The following EVI5L variants were observed in gnomAD, a reference collection of about 807,000 sequenced individuals.
The protein encoded by EVI5L is ecotropic viral integration site 5 like, also known as EVI5-like protein.
Under a neutral mutation model 106.1 loss-of-function variants are expected in EVI5L, and 30 were observed. The observed-to-expected ratio is 0.28, with a 90% CI of 0.21 to 0.38. The LOEUF (loss-of-function observed/expected upper bound fraction) is 0.38. Among genes scored for constraint, EVI5L ranks in the 10% least tolerant of loss-of-function variants. The probability of loss-of-function intolerance (pLI) is 1.00; values close to 1 mark genes in which losing one functional copy is unlikely to be tolerated. For synonymous variants in EVI5L, 489 were observed against 483.3 expected, an observed-to-expected ratio of 1.01 and a Z score of -0.15; for missense variants, 809 against 1,098.0, an observed-to-expected ratio of 0.74 and a Z score of 3.72.
At chr19:7,851,865 G>A (rs556977558) in intron 8 of EVI5L, 95 bp downstream of exon 8, 6 of 1,171,068 alleles carry the variant, frequency 5.1e-6, no homozygotes, top group Admixed American at 3.4e-5. Flanking sequence ...GCCCGGCTTC[G>A]AGGGTGGAAG....
At chr19:7,840,494 C>A (rs1978554274) in intron 1 of EVI5L, among the ~76,000 whole-genome samples, 1 of 152,164 alleles carries the variant, frequency 6.6e-6, no homozygotes, top group African/African-American at 2.4e-5. Flanking sequence ...AAAAGAATCA[C>A]CCCAATTAAA....
In EVI5L at chr19:7,862,832, C is replaced by G. The variant is rs531861800; in HGVS notation, c.1948-140C>G. 5.1e-4 allele frequency: 272 copies of G among 535,502 alleles called. 1 individual carries two copies. In the African/African-American group the frequency reaches 5.5e-3, roughly 11 times the overall value. 33.2% of individuals were successfully genotyped at this position (535,502 alleles called of 1,614,324 possible). On this transcript the variant is annotated intron_variant, in intron 17 of 19. Coordinates refer to ENST00000538904, the MANE Select transcript of EVI5L (RefSeq NM_001159944.3). ...CCCGCACCTCCCTTGCCCGCGGTCC[C>G]GCCCCTGCCCGCGGTCCTGCCTCCT...
At position 7,860,560 on chromosome 19, in the gene EVI5L, G is replaced by A; in HGVS notation, c.1375-1G>A. The A allele has an allele frequency of 6.3e-7, 1 of 1,586,350 alleles. No homozygotes were observed. Among genetic ancestry groups the A allele is most frequent in the Non-Finnish European group, 8.6e-7 (1 of 1,168,040 alleles). ...CCCACGCAGCTCTCTGCCTCCCCCA[G>A]GAGAACCCCCGCCTCACAGAAGACT... On this transcript the variant is annotated splice_acceptor_variant, in intron 13 of 19. Transcript: ENST00000538904. LOFTEE classifies it high-confidence loss of function.
chr19:7,837,508 T>C (rs1187078921), intron 1 of EVI5L, among the ~76,000 whole-genome samples: 1 of 152,094 alleles, frequency 6.6e-6, no homozygotes, highest in Non-Finnish European at 1.5e-5. Flanking sequence ...AGTATTGATA[T>C]ATTATTATTA....
At chr19:7,843,357 AGT>A (rs1300063335) in intron 1 of EVI5L, among the ~76,000 whole-genome samples, 50 of 92,816 alleles carry the variant, frequency 5.4e-4, no homozygotes, top group African/African-American at 2.0e-3. Flanking sequence ...TAGGTGTGTG[AGT>A]GTGAGAATAG....
Position 7,860,584 on chromosome 19 carries a change from C to T in EVI5L, c.1398C>T (p.Asp466=), listed in dbSNP as rs1351210290. The change falls in exon 14 of 20, where the codon GAC becomes GAT. Residue 466 remains aspartate, a synonymous_variant. Coordinates refer to ENST00000538904, the MANE Select transcript of EVI5L (RefSeq NM_001159944.3). ...AGGAGAACCCCCGCCTCACAGAAGACTTCGTGTCCCACCTGGAGACCGAGC... is the reference window on the plus strand; with the variant it reads ...AGGAGAACCCCCGCCTCACAGAAGATTTCGTGTCCCACCTGGAGACCGAGC... The part of the protein sequence containing the change: ...EQQENPRLTE[D]FVSHLETELE... The T allele has an allele frequency of 1.9e-6, 3 of 1,598,176 alleles. No individual in the cohort carries two copies. The South Asian group carries it at 3.4e-5, about 18-fold the overall frequency.
At chr19:7,839,433 G>A (rs1203111706) in intron 1 of EVI5L, among the ~76,000 whole-genome samples, 1 of 152,082 alleles carries the variant, frequency 6.6e-6, no homozygotes, top group East Asian at 1.9e-4. Context: ...AAGCAGGGAT[G>A]CAGAAAGAGG....
chr19:7,831,538 C>T (rs1978293444), intron 1 of EVI5L, among the ~76,000 whole-genome samples: 1 of 152,150 alleles, frequency 6.6e-6, no homozygotes, highest in Non-Finnish European at 1.5e-5. Flanking sequence ...TGACAGGGCC[C>T]CAGAATCCCC....
Position 7,857,632 on chromosome 19 carries a change from C to T in EVI5L, c.1233+508C>T, listed in dbSNP as rs1979594565. 1 of 182,754 alleles carries T rather than the reference C, an allele frequency of 5.5e-6. No individual in the cohort carries two copies. The highest frequency in any genetic ancestry group is 1.2e-4 in the South Asian group (1 of 8,424). 11.3% of individuals were successfully genotyped at this position (182,754 alleles called of 1,614,324 possible). On this transcript the variant is annotated intron_variant, in intron 12 of 19. Coordinates refer to ENST00000538904, the MANE Select transcript of EVI5L (RefSeq NM_001159944.3). This position sits in a 1 kb window ranked among gnomAD's most constrained non-coding sequence, Gnocchi z 4.5. ...GAATGGCTTTATCTGGAAGCTGCCA[C>T]CCGCCACCTGGTGGCTTTGAGCCTG...
At chr19:7,854,269 G>A (rs1374255128) in intron 10 of EVI5L, among the ~76,000 whole-genome samples, 2 of 140,766 alleles carry the variant, frequency 1.4e-5, no homozygotes, top group African/African-American at 5.3e-5. Context: ...GCGACAGAGT[G>A]AGACTGTGTC....
intron 1 of EVI5L, among the ~76,000 whole-genome samples, chr19:7,846,237 C>A (rs1858738847): frequency 6.6e-6 from 1 of 152,206 alleles, no homozygotes; most frequent in Admixed American, 6.5e-5. Flanking sequence ...AGCAGGACGG[C>A]TCACATCCTG....
chr19:7,863,193 A>G lies in EVI5L; in HGVS notation c.2052A>G (p.Glu684=), dbSNP rs1201481777. ...RIAELEIQRE[E]GRIQGQLNHS... ...CCTGGCGCACCCCGCAGAGGGAGGA[A>G]GGCCGCATCCAGGGCCAGCTGAACC... The change falls in exon 19 of 20, where the codon GAA becomes GAG. Residue 684 remains glutamate (E), a synonymous_variant. Coordinates refer to ENST00000538904, the MANE Select transcript of EVI5L (RefSeq NM_001159944.3). The surrounding 1 kb of genome is among the most constrained non-coding windows in gnomAD (Gnocchi z 7.7). 6.4e-7 allele frequency: 1 copy of G among 1,556,956 alleles called. No individual in the cohort carries two copies. Among genetic ancestry groups the G allele is most frequent in the South Asian group, 1.2e-5 (1 of 84,458 alleles).
rs947238504 is a variant in EVI5L at position 7,864,296 on chromosome 19, C to T, written c.*594C>T. On this transcript the variant is annotated 3_prime_UTR_variant, in exon 20 of 20. Transcript: ENST00000538904. The surrounding 1 kb of genome is among the most constrained non-coding windows in gnomAD (Gnocchi z 4.5). ...GGCGCAGGCACCGTGGCCCCTGCAG[C>T]GGAAACCAAAGTCCCCCTACTATGT... 2 of 152,652 alleles carry T rather than the reference C, an allele frequency of 1.3e-5. No homozygotes were observed. Among genetic ancestry groups the T allele is most frequent in the Admixed American group, 6.5e-5 (1 of 15,302 alleles). 9.5% of individuals were successfully genotyped at this position (152,652 alleles called of 1,614,324 possible).
chr19:7,848,565 T>A lies in EVI5L; in HGVS notation c.328-356T>A, dbSNP rs970883183. 1.3e-5 allele frequency among the ~76,000 whole-genome samples: 2 copies of A among 151,154 alleles called. No individual in the cohort carries two copies. Among genetic ancestry groups the A allele is most frequent in the African/African-American group, 4.9e-5 (2 of 41,014 alleles). ...GTGAGCCAAGATCACGCCACTGCAC[T>A]CCGGCGTGGGCAACAGAGTGAGACT... On this transcript the variant is annotated intron_variant, in intron 3 of 19. Coordinates refer to ENST00000538904, the MANE Select transcript of EVI5L (RefSeq NM_001159944.3). This position sits in a 1 kb window ranked among gnomAD's most constrained non-coding sequence, Gnocchi z 4.8.
intron 1 of EVI5L, among the ~76,000 whole-genome samples, chr19:7,833,766 C>T (rs1369901216): frequency 6.6e-6 from 1 of 152,180 alleles, no homozygotes. Context: ...TGGGGGGCTC[C>T]CCAGCAAAGG....
At chr19:7,844,345 A>G (rs1423310490) in intron 1 of EVI5L, among the ~76,000 whole-genome samples, 2 of 149,780 alleles carry the variant, frequency 1.3e-5, no homozygotes, top group Non-Finnish European at 3.0e-5. Flanking sequence ...AAAAAAAAAA[A>G]AAAAAGAAAG....
At chr19:7,839,986 G>A (rs1277043342) in intron 1 of EVI5L, among the ~76,000 whole-genome samples, 1 of 152,160 alleles carries the variant, frequency 6.6e-6, no homozygotes, top group East Asian at 1.9e-4. Context: ...GATGTGGGTG[G>A]TAGACTTGGC....
intron 1 of EVI5L, among the ~76,000 whole-genome samples, chr19:7,839,697 G>A (rs1978512810): frequency 6.6e-6 from 1 of 152,116 alleles, no homozygotes; most frequent in African/African-American, 2.4e-5. Flanking sequence ...GCTGAGGCAG[G>A]AGCATCACTT....
At chr19:7,843,634 G>A (rs560378395) in intron 1 of EVI5L, among the ~76,000 whole-genome samples, 1 of 135,774 alleles carries the variant, frequency 7.4e-6, no homozygotes, top group East Asian at 2.3e-4. Flanking sequence ...TAGGCATGAG[G>A]GTGTGTGTCG....
Sources: allele counts gnomAD v4.1 joint callset (sites outside exome capture counted in the v4.1 genomes callset), GRCh38; gene constraint gnomAD v4.1.1; non-coding constraint Gnocchi (gnomAD v3.1); transcripts MANE v1.5; gene names NCBI Gene and HGNC (gene_info 2026-07-23, HGNC 2026-07-21).